The following RASAL2 variants were observed in gnomAD, a reference collection of about 807,000 sequenced individuals.
RASAL2 encodes RAS protein activator like 2.
A neutral mutation model predicts 128.9 loss-of-function variants in RASAL2; 58 were observed. The observed-to-expected ratio is 0.45, with a 90% CI of 0.36 to 0.56. The LOEUF (loss-of-function observed/expected upper bound fraction) is 0.56. Ranked by LOEUF, RASAL2 falls within the 20% of genes least tolerant of loss-of-function variation. The probability of loss-of-function intolerance (pLI) is 0.00; values close to 1 mark genes in which losing one functional copy is unlikely to be tolerated. For missense variants in RASAL2, 1,360 were observed against 1,601.6 expected (o/e 0.85, Z 2.57); for synonymous variants, 561 against 580.8 (o/e 0.97, Z 0.49).
intron 1 of RASAL2, among the ~76,000 whole-genome samples, chr1:178,240,806 T>G (rs1457907963): frequency 1.3e-5 from 2 of 151,782 alleles, no homozygotes; most frequent in African/African-American, 4.8e-5. Flanking sequence ...ATCAATATCC[T>G]TCACTTCACA....
rs999245206 is a variant in RASAL2 at position 178,393,750 on chromosome 1, A to G, written c.564+3544A>G. On this transcript the variant is annotated intron_variant, in intron 4 of 17. Coordinates refer to ENST00000367649, the MANE Select transcript of RASAL2 (RefSeq NM_170692.4). ...TCTGTCCCTCATTAGACAACAGATA[A>G]TCTGTTCCGATCATCTTTATAACAA... Among the ~76,000 whole-genome samples the G allele has an allele frequency of 3.3e-5, 5 of 152,196 alleles. No individual in the cohort carries two copies. The South Asian group carries it at 1.0e-3, about 32-fold the overall frequency.
intron 3 of RASAL2, among the ~76,000 whole-genome samples, chr1:178,319,451 C>G (rs1668643523): frequency 6.6e-6 from 1 of 151,066 alleles, no homozygotes; most frequent in South Asian, 2.1e-4. Flanking sequence ...TAGATTTGGT[C>G]TTTTCACATA....
intron 1 of RASAL2, among the ~76,000 whole-genome samples, chr1:178,121,513 A>G (rs1659718413): frequency 6.7e-6 from 1 of 150,252 alleles, no homozygotes. Flanking sequence ...TTTGGGATGG[A>G]GTCTCACTCT....
intron 1 of RASAL2, among the ~76,000 whole-genome samples, chr1:178,197,614 A>G (rs1376148550): frequency 3.7e-5 from 5 of 136,522 alleles, no homozygotes; most frequent in East Asian, 2.3e-4. Context: ...ATCTGGGGAA[A>G]AAAAAAAAAA....
chr1:178,344,978 C>T (rs747295208), intron 3 of RASAL2, among the ~76,000 whole-genome samples: 1 of 152,176 alleles, frequency 6.6e-6, no homozygotes, highest in Non-Finnish European at 1.5e-5. Flanking sequence ...AGCAATGCCA[C>T]TCAGAATACT....
chr1:178,154,377 G>A (rs1007879894), intron 1 of RASAL2, among the ~76,000 whole-genome samples: 4 of 151,990 alleles, frequency 2.6e-5, no homozygotes, highest in Non-Finnish European at 4.4e-5. Flanking sequence ...TTGAACTCCC[G>A]GGCTCAAGCA....
chr1:178,272,965 G>T (rs1031636881), intron 1 of RASAL2, among the ~76,000 whole-genome samples: 1 of 151,672 alleles, frequency 6.6e-6, no homozygotes, highest in Admixed American at 6.6e-5. Flanking sequence ...TTGCTGTAAC[G>T]ACTTGGAATT....
intron 5 of RASAL2, among the ~76,000 whole-genome samples, chr1:178,438,238 AAGC>A (rs1388214454): frequency 6.6e-6 from 1 of 151,880 alleles, no homozygotes; most frequent in Non-Finnish European, 1.5e-5. Flanking sequence ...AGAAAGGAGA[AAGC>A]AGCCTTAGTG....
At chr1:178,332,583 T>C (rs898467431) in intron 3 of RASAL2, among the ~76,000 whole-genome samples, 4 of 151,744 alleles carry the variant, frequency 2.6e-5, no homozygotes, top group African/African-American at 9.7e-5. Flanking sequence ...TTTATTTCCT[T>C]GTATGAGGGA....
At chr1:178,185,498 G>A (rs770520214) in intron 1 of RASAL2, among the ~76,000 whole-genome samples, 8 of 151,048 alleles carry the variant, frequency 5.3e-5, no homozygotes, top group Non-Finnish European at 1.0e-4. Flanking sequence ...TGCTGAGAAG[G>A]TTTTTTAAAT....
At chr1:178,377,458 C>G (rs1672051505) in intron 3 of RASAL2, among the ~76,000 whole-genome samples, 1 of 152,070 alleles carries the variant, frequency 6.6e-6, no homozygotes, top group Non-Finnish European at 1.5e-5. Context: ...GTAAACTCTC[C>G]TGGGGGCATT....
In RASAL2 at chr1:178,141,823, G is replaced by T. The variant is rs188171750; in HGVS notation, c.202+47129G>T. Among the ~76,000 whole-genome samples, 499 of 152,188 alleles carry T rather than the reference G, an allele frequency of 3.3e-3. 4 individuals are homozygous for T. Among genetic ancestry groups the T allele is most frequent in the African/African-American group, 0.012 (484 of 41,522 alleles). ...CTGGAAGAGACAAACTTAACAAGGAGGTTAAAGATACAGGGATTGAAATGT... is the reference window on the plus strand; with the variant it reads ...CTGGAAGAGACAAACTTAACAAGGATGTTAAAGATACAGGGATTGAAATGT... On this transcript the variant is annotated intron_variant, in intron 1 of 17. Coordinates refer to ENST00000367649, the MANE Select transcript of RASAL2 (RefSeq NM_170692.4).
At chr1:178,411,404 G>A (rs1674374716) in intron 4 of RASAL2, among the ~76,000 whole-genome samples, 1 of 152,036 alleles carries the variant, frequency 6.6e-6, no homozygotes, top group Non-Finnish European at 1.5e-5. Context: ...TGGGAGGAAG[G>A]GTGGGAGATG....
At chr1:178,255,184 G>A (rs1016869306) in intron 1 of RASAL2, among the ~76,000 whole-genome samples, 4 of 151,930 alleles carry the variant, frequency 2.6e-5, no homozygotes, top group Non-Finnish European at 4.4e-5. Context: ...CAGACTTGCC[G>A]TAGAGGAAAT....
intron 8 of RASAL2, 61 bp downstream of exon 8, chr1:178,443,290 A>G: frequency 7.1e-7 from 1 of 1,402,180 alleles, no homozygotes; most frequent in Non-Finnish European, 9.7e-7. Flanking sequence ...ATAAACCAAG[A>G]TATGGATATT....
intron 1 of RASAL2, among the ~76,000 whole-genome samples, chr1:178,111,171 G>A (rs985430342): frequency 3.9e-5 from 6 of 152,058 alleles, no homozygotes; most frequent in Non-Finnish European, 7.4e-5. Flanking sequence ...TTGCCAGCTC[G>A]CCTTTTGATG....
chr1:178,299,729 TC>T (rs1199280110), intron 2 of RASAL2, among the ~76,000 whole-genome samples: 1 of 152,136 alleles, frequency 6.6e-6, no homozygotes, highest in Non-Finnish European at 1.5e-5. Context: ...TCTCTTGACC[TC>T]GTTATCCACC....
intron 1 of RASAL2, among the ~76,000 whole-genome samples, chr1:178,219,339 C>T (rs1480055049): frequency 6.6e-6 from 1 of 152,088 alleles, no homozygotes; most frequent in African/African-American, 2.4e-5. Context: ...GAGAGTAGCA[C>T]TTTTAATTTC....
intron 1 of RASAL2, among the ~76,000 whole-genome samples, chr1:178,099,525 T>A (rs1171534135): frequency 1.3e-5 from 2 of 152,360 alleles, no homozygotes; most frequent in East Asian, 3.9e-4. Context: ...CATCTTAGTA[T>A]TGTTCTACCC....
Sources: allele counts gnomAD v4.1 joint callset (sites outside exome capture counted in the v4.1 genomes callset), GRCh38; gene constraint gnomAD v4.1.1; transcripts MANE v1.5; gene names NCBI Gene and HGNC (gene_info 2026-07-23, HGNC 2026-07-21).